Variants in KIF5C observed in about 807,000 individuals in gnomAD.
KIF5C encodes kinesin family member 5C, also known as kinesin heavy chain isoform 5C.
Under a neutral mutation model 125.2 loss-of-function variants are expected in KIF5C, and 18 were observed. The ratio of observed to expected loss-of-function variants is 0.14; its 90% CI spans 0.10 to 0.21. The LOEUF (loss-of-function observed/expected upper bound fraction) is 0.21. Among genes scored for constraint, KIF5C ranks in the 10% least tolerant of loss-of-function variants. KIF5C has a pLI of 1.00. For synonymous variants in KIF5C, 405 were observed against 434.0 expected, an observed-to-expected ratio of 0.93 and a Z score of 0.83; for missense variants, 780 against 1,183.8, an observed-to-expected ratio of 0.66 and a Z score of 5.01.
intron 22 of KIF5C, 25 bp from the exon 23 acceptor site, chr2:149,007,938 T>C (rs1371279380): frequency 1.3e-6 from 2 of 1,561,530 alleles, no homozygotes; most frequent in African/African-American, 2.7e-5. Flanking sequence ...CAGCCTGTCC[T>C]GCTGACCCCT....
chr2:148,946,633 A>G (rs1459346535), intron 7 of KIF5C, among the ~76,000 whole-genome samples: 2 of 152,240 alleles, frequency 1.3e-5, no homozygotes, highest in Non-Finnish European at 2.9e-5. Flanking sequence ...GGCTTCAGGT[A>G]GAGCTAGAAA....
chr2:148,999,323 G>T (rs1681777833), intron 19 of KIF5C, among the ~76,000 whole-genome samples: 1 of 151,808 alleles, frequency 6.6e-6, no homozygotes, highest in Non-Finnish European at 1.5e-5. Context: ...TTCTATATGG[G>T]AAGCAAGGCG....
Position 149,026,011 on chromosome 2 carries a change from T to C in KIF5C, c.*2941T>C. 6.5e-6 allele frequency: 1 copy of C among 152,678 alleles called. No individual in the cohort carries two copies. 9.5% of individuals were successfully genotyped at this position (152,678 alleles called of 1,614,324 possible). On this transcript the variant is annotated 3_prime_UTR_variant, in exon 26 of 26. Transcript: ENST00000435030. ...AAAAATGTTTGTCTAGAATGTAGCA[T>C]CTAGTGACTTTTTAAAGCCCTAACG...
chr2:149,022,555 A>G (rs943218197), intron 25 of KIF5C, among the ~76,000 whole-genome samples: 1 of 152,212 alleles, frequency 6.6e-6, no homozygotes, highest in Non-Finnish European at 1.5e-5. Flanking sequence ...TATTTAGGCT[A>G]TATAAAATAT....
At chr2:148,935,020 T>G in intron 3 of KIF5C, 1 of 377,606 alleles carries the variant, frequency 2.6e-6, no homozygotes, top group South Asian at 1.9e-5. Flanking sequence ...GCATCTGAGC[T>G]GGATCAAGCA....
chr2:148,922,788 C>T (rs919558162), intron 2 of KIF5C, among the ~76,000 whole-genome samples: 1 of 152,180 alleles, frequency 6.6e-6, no homozygotes, highest in Admixed American at 6.5e-5. Context: ...TTCTCCTAAC[C>T]CATTTTCAAC....
At chr2:148,946,811 G>C in intron 7 of KIF5C, 88 bp from the exon 8 acceptor site, 2 of 1,558,674 alleles carry the variant, frequency 1.3e-6, no homozygotes, top group Non-Finnish European at 1.7e-6. Context: ...GGATCTATTA[G>C]GCATGACTTG....
chr2:148,921,924 A>T (rs571107140), intron 1 of KIF5C, among the ~76,000 whole-genome samples: 2 of 152,304 alleles, frequency 1.3e-5, no homozygotes, highest in African/African-American at 2.4e-5. Context: ...AAATTTTTTT[A>T]AAATCTCAGA....
At chr2:148,987,599 C>G (rs1681414790) in intron 15 of KIF5C, among the ~76,000 whole-genome samples, 1 of 152,140 alleles carries the variant, frequency 6.6e-6, no homozygotes, top group South Asian at 2.1e-4. Context: ...TTTCCAACTT[C>G]CCAATCTGTC....
At chr2:148,998,881 G>C (rs1332279355) in intron 19 of KIF5C, 2 of 164,538 alleles carry the variant, frequency 1.2e-5, no homozygotes, top group African/African-American at 5.4e-5. Flanking sequence ...AAAAAAATTT[G>C]GTCCTGACTA....
intron 16 of KIF5C, among the ~76,000 whole-genome samples, chr2:148,993,610 T>C (rs1681584943): frequency 6.6e-6 from 1 of 152,198 alleles, no homozygotes; most frequent in African/African-American, 2.4e-5. Context: ...TTGTGTTTTC[T>C]GGAGAGGTTA....
intron 14 of KIF5C, among the ~76,000 whole-genome samples, 184 bp downstream of exon 14, chr2:148,981,745 C>T (rs1681243485): frequency 6.6e-6 from 1 of 152,260 alleles, no homozygotes; most frequent in South Asian, 2.1e-4. Flanking sequence ...GTTCACTCTT[C>T]CTGGAACTGC....
intron 12 of KIF5C, among the ~76,000 whole-genome samples, chr2:148,976,723 T>C (rs1681084224): frequency 6.6e-6 from 1 of 151,552 alleles, no homozygotes; most frequent in African/African-American, 2.4e-5. Context: ...TACAGGCACA[T>C]ACCACCACAC....
chr2:148,929,408 A>T, intron 3 of KIF5C, 54 bp downstream of exon 3: 1 of 1,195,948 alleles, frequency 8.4e-7, no homozygotes, highest in Non-Finnish European at 1.2e-6. Flanking sequence ...AATGGAACTG[A>T]CGTTTCCAGC....
Position 148,991,120 on chromosome 2 carries a change from G to C in KIF5C, c.1827G>C (p.Glu609Asp). 6.2e-7 allele frequency: 1 copy of C among 1,613,982 alleles called. No homozygotes were observed. Among genetic ancestry groups the C allele is most frequent in the Non-Finnish European group, 8.5e-7 (1 of 1,179,880 alleles). Residue 609 changes from glutamate to aspartate, a missense_variant, in exon 16 of 26, where the codon GAG becomes GAC. This residue lies in a region of KIF5C where 573 missense variants were observed against 742.6 expected (regional missense o/e 0.77). Transcript: ENST00000435030. ...KSLVNRSKQL[E>D]SAQMDSNRKM... ...TGGTGAACCGCAGCAAACAGCTCGA[G>C]AGCGCCCAGATGGACTCCAACAGGA...
At position 148,993,559 on chromosome 2, in the gene KIF5C, C is replaced by T. The variant is rs570789720; in HGVS notation, c.1906-862C>T. 7.9e-5 allele frequency among the ~76,000 whole-genome samples: 12 copies of T among 152,322 alleles called. No homozygotes were observed. The East Asian group carries it at 1.2e-3, about 15-fold the overall frequency. ...TCTTTGTTTACATTCATCCTCGTCACCAAAAACTGTGCTTATAAGATGACT... is the reference window on the plus strand; with the variant it reads ...TCTTTGTTTACATTCATCCTCGTCATCAAAAACTGTGCTTATAAGATGACT... On this transcript the variant is annotated intron_variant, in intron 16 of 25. Transcript: ENST00000435030.
intron 17 of KIF5C, among the ~76,000 whole-genome samples, chr2:148,996,513 G>C (rs1681677913): frequency 6.6e-6 from 1 of 152,230 alleles, no homozygotes; most frequent in African/African-American, 2.4e-5. Flanking sequence ...AAAACCTGAA[G>C]TGGAACAGAC....
chr2:148,889,308 C>T (rs1319790383), intron 1 of KIF5C, among the ~76,000 whole-genome samples: 1 of 152,116 alleles, frequency 6.6e-6, no homozygotes, highest in East Asian at 1.9e-4. Context: ...CTGTCTTTTC[C>T]TCTGATATAT....
chr2:148,973,567 G>GTCCCAGC, intron 12 of KIF5C, 56 bp downstream of exon 12: 2 of 1,524,152 alleles, frequency 1.3e-6, no homozygotes, highest in Non-Finnish European at 1.8e-6. Context: ...AAGATGGCAG[G>GTCCCAGC]TCCCAGCTCC....
Sources: gnomAD v4.1 joint callset for allele counts (sites outside exome capture counted in the v4.1 genomes callset) on GRCh38, gnomAD v4.1.1 for gene constraint, gnomAD v4.1.1 regional missense constraint, MANE v1.5 for transcripts, NCBI Gene and HGNC (gene_info 2026-07-23, HGNC 2026-07-21) for gene names.